The following ENTREP2 variants were observed in gnomAD, a reference collection of about 807,000 sequenced individuals.
ENTREP2 encodes protein ENTREP2.
At chr15:29,585,404 A>T in the ENTREP2 span, among the ~76,000 whole-genome samples, 1 of 152,326 alleles carries the variant, frequency 6.6e-6, no homozygotes, top group Admixed American at 6.5e-5. Flanking sequence ...GAGATGCCCA[A>T]CATCATCAGT....
the ENTREP2 span, chr15:29,376,432 T>C: frequency 1.2e-4 from 19 of 152,180 alleles, no homozygotes; most frequent in African/African-American, 2.9e-4. Context: ...ATCTCAATCA[T>C]AGAAGACACT....
At chr15:29,122,374 G>T in the ENTREP2 span, 1 of 152,228 alleles carries the variant, frequency 6.6e-6, no homozygotes, top group South Asian at 2.1e-4. Flanking sequence ...TGATCCTCCT[G>T]CGCAGGTGTG....
chr15:29,407,237 G>A, the ENTREP2 span, among the ~76,000 whole-genome samples: 1 of 152,162 alleles, frequency 6.6e-6, no homozygotes, highest in Non-Finnish European at 1.5e-5. Flanking sequence ...GTAGGCAACT[G>A]TAATACAATG....
chr15:29,594,246 C>T, the ENTREP2 span, among the ~76,000 whole-genome samples: 1 of 152,174 alleles, frequency 6.6e-6, no homozygotes. Context: ...ACTCTTGGGA[C>T]AAGCCAGGAT....
the ENTREP2 span, among the ~76,000 whole-genome samples, chr15:29,633,511 G>A: frequency 6.6e-6 from 1 of 152,060 alleles, no homozygotes; most frequent in Non-Finnish European, 1.5e-5. Context: ...GGAGCCTTCA[G>A]TGTTTTTAAA....
the ENTREP2 span, among the ~76,000 whole-genome samples, chr15:29,197,764 TC>T: frequency 4.3e-5 from 6 of 141,100 alleles, no homozygotes; most frequent in African/African-American, 1.4e-4. Flanking sequence ...AGACTCCATC[TC>T]AAAAAAAAAA....
At chr15:29,434,733 C>T in the ENTREP2 span, among the ~76,000 whole-genome samples, 1 of 152,178 alleles carries the variant, frequency 6.6e-6, no homozygotes, top group Non-Finnish European at 1.5e-5. Context: ...AAGCAGAGAT[C>T]AGAGGACACT....
At chr15:29,603,546 G>C in the ENTREP2 span, among the ~76,000 whole-genome samples, 1 of 152,106 alleles carries the variant, frequency 6.6e-6, no homozygotes, top group African/African-American at 2.4e-5. Context: ...GCTCTTCGGG[G>C]GCAAGAGAGA....
the ENTREP2 span, among the ~76,000 whole-genome samples, chr15:29,218,135 T>G: frequency 1.3e-5 from 2 of 152,166 alleles, no homozygotes; most frequent in Admixed American, 1.3e-4. Flanking sequence ...TATCAGTGCC[T>G]GTTCCGGTAG....
the ENTREP2 span, among the ~76,000 whole-genome samples, chr15:29,203,323 A>G: frequency 7.9e-5 from 12 of 151,874 alleles, no homozygotes; most frequent in African/African-American, 2.4e-4. Context: ...AATGGCGTGA[A>G]CCCGGGAGGC....
chr15:29,618,278 C>T, the ENTREP2 span, among the ~76,000 whole-genome samples: 1 of 152,032 alleles, frequency 6.6e-6, no homozygotes, highest in Non-Finnish European at 1.5e-5. Context: ...AAAAAATTAG[C>T]TGGGCGTGGT....
At chr15:29,390,586 A>C in the ENTREP2 span, among the ~76,000 whole-genome samples, 1 of 152,164 alleles carries the variant, frequency 6.6e-6, no homozygotes. Context: ...CAGAGACAGA[A>C]CTTCCTGCTG....
At chr15:29,310,370 G>A in the ENTREP2 span, among the ~76,000 whole-genome samples, 1 of 152,164 alleles carries the variant, frequency 6.6e-6, no homozygotes, top group Non-Finnish European at 1.5e-5. Context: ...AAAGGGCCAG[G>A]ACTGAGGGAC....
chr15:29,608,906 C>T, the ENTREP2 span, among the ~76,000 whole-genome samples: 18 of 152,216 alleles, frequency 1.2e-4, no homozygotes, highest in East Asian at 3.5e-3. Context: ...AACTACCTCG[C>T]ACTAGAGAGG....
chr15:29,220,200 C>T, the ENTREP2 span, among the ~76,000 whole-genome samples: 7 of 152,214 alleles, frequency 4.6e-5, no homozygotes, highest in East Asian at 1.2e-3. Flanking sequence ...CGTGGGCTGG[C>T]TCCAGTGCCC....
the ENTREP2 span, among the ~76,000 whole-genome samples, chr15:29,172,599 G>C: frequency 1.3e-5 from 2 of 151,790 alleles, no homozygotes; most frequent in African/African-American, 4.8e-5. Flanking sequence ...GGAGAGGGAG[G>C]GATGACAGAG....
the ENTREP2 span, among the ~76,000 whole-genome samples, chr15:29,217,541 T>C: frequency 9.2e-5 from 14 of 152,346 alleles, 1 homozygote; most frequent in African/African-American, 3.4e-4. Context: ...CTTGTTGAAT[T>C]CTATTCCTGA....
the ENTREP2 span, among the ~76,000 whole-genome samples, chr15:29,193,459 C>T: frequency 6.6e-6 from 1 of 152,216 alleles, no homozygotes; most frequent in Non-Finnish European, 1.5e-5. Flanking sequence ...GGGACTCACA[C>T]TGGTGCAACC....
the ENTREP2 span, among the ~76,000 whole-genome samples, chr15:29,587,706 C>T: frequency 2.0e-5 from 3 of 152,148 alleles, no homozygotes; most frequent in Non-Finnish European, 4.4e-5. Flanking sequence ...GTCACCCAGG[C>T]TGGAGAGCAG....
Sources: allele counts gnomAD v4.1 joint callset (sites outside exome capture counted in the v4.1 genomes callset), GRCh38; gene constraint gnomAD v4.1.1; transcripts MANE v1.5; gene names NCBI Gene and HGNC (gene_info 2026-07-23, HGNC 2026-07-21).